The following CAMK2B variants were observed in gnomAD, a reference collection of about 807,000 sequenced individuals.
CAMK2B encodes the protein calcium/calmodulin dependent protein kinase II beta.
Under a neutral mutation model 93.7 loss-of-function variants are expected in CAMK2B, and 27 were observed. The observed-to-expected ratio is 0.29, with a 90% CI of 0.21 to 0.40. CAMK2B has a LOEUF of 0.40. Among genes scored for constraint, CAMK2B ranks in the 10% least tolerant of loss-of-function variants. The pLI, the probability that CAMK2B is intolerant of heterozygous loss-of-function variation, is 1.00. For synonymous variants in CAMK2B, 374 were observed against 358.8 expected (o/e 1.04, Z -0.48); for missense variants, 568 against 895.8 (o/e 0.63, Z 4.67).
intron 2 of CAMK2B, among the ~76,000 whole-genome samples, chr7:44,279,808 G>C (rs554993836): frequency 4.3e-4 from 65 of 152,346 alleles, no homozygotes; most frequent in Middle Eastern, 3.4e-3. Flanking sequence ...TTAATTTAGA[G>C]GAGCTATGTA....
chr7:44,313,772 GC>G (rs151052908), intron 1 of CAMK2B, among the ~76,000 whole-genome samples: 1,986 of 147,532 alleles, frequency 0.013, 58 homozygotes, highest in African/African-American at 0.047. Flanking sequence ...TGGGAACCTG[GC>G]CCTCCCCAGT....
intron 2 of CAMK2B, among the ~76,000 whole-genome samples, chr7:44,276,431 C>CG (rs1434498331): frequency 1.2e-4 from 18 of 152,154 alleles, no homozygotes; most frequent in African/African-American, 4.1e-4. Flanking sequence ...GCAGCACCCC[C>CG]CCGCCACCCA....
At chr7:44,254,475 G>A (rs889965866) in intron 5 of CAMK2B, 67 bp downstream of exon 5, 6 of 1,135,168 alleles carry the variant, frequency 5.3e-6, no homozygotes, top group African/African-American at 3.0e-5. Context: ...CAGCAGGAGT[G>A]GGTGAAGGAG....
At position 44,287,192 on chromosome 7, in the gene CAMK2B, C is replaced by T. The variant is rs1056047390; in HGVS notation, c.66-2967G>A. Among the ~76,000 whole-genome samples the T allele has an allele frequency of 4.6e-5, 7 of 152,128 alleles. No individual in the cohort carries two copies. In the South Asian group the frequency reaches 6.2e-4, roughly 13 times the overall value. On this transcript the variant is annotated intron_variant, in intron 1 of 23. Transcript: ENST00000395749. Reference sequence around the variant, plus strand: ...CCGCTCCTGGGCTCTGCCTCTCCCACGCCTTCTGTCCCTCACTGAAGCCCC... The same window carrying T: ...CCGCTCCTGGGCTCTGCCTCTCCCATGCCTTCTGTCCCTCACTGAAGCCCC...
intron 16 of CAMK2B, 66 bp from the exon 17 acceptor site, chr7:44,231,120 AGGT>A: frequency 1.1e-6 from 1 of 911,316 alleles, no homozygotes; most frequent in Non-Finnish European, 1.6e-6. Flanking sequence ...GGCTGAGGGC[AGGT>A]GGACAGGGCT....
chr7:44,262,234 A>G (rs996953239), intron 3 of CAMK2B, among the ~76,000 whole-genome samples: 1 of 152,302 alleles, frequency 6.6e-6, no homozygotes, highest in South Asian at 2.1e-4. Flanking sequence ...TCCTCCTGGC[A>G]TAAGTGAATC....
At chr7:44,258,958 C>A in intron 3 of CAMK2B, 32 bp from the exon 4 acceptor site, 1 of 1,599,808 alleles carries the variant, frequency 6.3e-7, no homozygotes, top group Non-Finnish European at 8.6e-7. Context: ...GAGGGGCTGG[C>A]AATAGCCCAG....
At chr7:44,281,870 AC>A (rs1175910563) in intron 2 of CAMK2B, among the ~76,000 whole-genome samples, 6 of 152,038 alleles carry the variant, frequency 3.9e-5, no homozygotes, top group Admixed American at 2.6e-4. Flanking sequence ...GCCAGGGGCC[AC>A]CTCCAGGACC....
chr7:44,263,174 G>A, intron 2 of CAMK2B, 110 bp from the exon 3 acceptor site: 1 of 1,004,198 alleles, frequency 1.0e-6, no homozygotes, highest in Non-Finnish European at 1.5e-6. Context: ...TCTGACGAGA[G>A]GAGTGGTTGT....
Position 44,325,448 on chromosome 7 carries a change from G to C in CAMK2B, c.-27C>G. ...GCGGCGGCGGACGGGCTCGGCGTGC[G>C]CTCGGCTGCGCTCGGGCGGCGGCGA... On this transcript the variant is annotated 5_prime_UTR_variant, in exon 1 of 24. Coordinates refer to ENST00000395749, the MANE Select transcript of CAMK2B (RefSeq NM_001220.5). 9.4e-7 allele frequency: 1 copy of C among 1,063,444 alleles called. No homozygotes were observed. Among genetic ancestry groups the C allele is most frequent in the Non-Finnish European group, 1.1e-6 (1 of 870,224 alleles). 65.9% of individuals were successfully genotyped at this position (1,063,444 alleles called of 1,614,324 possible). A position where few individuals can be genotyped will look rare whatever the true frequency, so the allele number is the denominator to read the frequency against.
At chr7:44,262,517 T>C (rs1467876349) in intron 3 of CAMK2B, among the ~76,000 whole-genome samples, 1 of 152,216 alleles carries the variant, frequency 6.6e-6, no homozygotes, top group Non-Finnish European at 1.5e-5. Context: ...TTGGTCAGTC[T>C]TTCTTTTCCT....
In CAMK2B at chr7:44,217,929, C is replaced by G. The variant is rs969832664; in HGVS notation, c.*1596G>C. 6.6e-6 allele frequency: 1 copy of G among 152,270 alleles called. No individual in the cohort carries two copies. The highest frequency in any genetic ancestry group is 2.4e-5 in the African/African-American group (1 of 41,428). 9.4% of individuals were successfully genotyped at this position (152,270 alleles called of 1,614,324 possible). A position where few individuals can be genotyped will look rare whatever the true frequency, so the allele number is the denominator to read the frequency against. On this transcript the variant is annotated 3_prime_UTR_variant, in exon 24 of 24. Coordinates refer to ENST00000395749, the MANE Select transcript of CAMK2B (RefSeq NM_001220.5). Reference sequence around the variant, plus strand: ...CCTGTCCCCGAGCTCCCCCATGGTACACACCATCACAAGGGGCCGGGGACC... The same window carrying G: ...CCTGTCCCCGAGCTCCCCCATGGTAGACACCATCACAAGGGGCCGGGGACC...
At position 44,225,805 on chromosome 7, in the gene CAMK2B, T is replaced by C. The variant is rs755474200; in HGVS notation, c.1597+711A>G. ...ATGCCGAGCCCGTGGCCCAGCAGCC[T>C]CTTCTCTAAGAGTATCTCCACACCA... On this transcript the variant is annotated intron_variant, in intron 20 of 23. Transcript: ENST00000395749. The surrounding 1 kb of genome is among the most constrained non-coding windows in gnomAD (Gnocchi z 5.0). The C allele has an allele frequency of 7.8e-7, 1 of 1,289,258 alleles. No individual in the cohort carries two copies. Among genetic ancestry groups the C allele is most frequent in the Non-Finnish European group, 1.0e-6 (1 of 988,742 alleles). 79.9% of individuals were successfully genotyped at this position (1,289,258 alleles called of 1,614,324 possible). A position where few individuals can be genotyped will look rare whatever the true frequency, so the allele number is the denominator to read the frequency against.
At chr7:44,283,455 C>T (rs11768217) in intron 2 of CAMK2B, among the ~76,000 whole-genome samples, 164 of 152,386 alleles carry the variant, frequency 1.1e-3, no homozygotes, top group Non-Finnish European at 1.9e-3. Context: ...GGCATATCCA[C>T]ATGCTGAGGG....
At chr7:44,314,107 C>A (rs1418602941) in intron 1 of CAMK2B, among the ~76,000 whole-genome samples, 1 of 152,126 alleles carries the variant, frequency 6.6e-6, no homozygotes, top group African/African-American at 2.4e-5. Flanking sequence ...GGTTTTATTT[C>A]TTTGACATCT....
chr7:44,262,353 G>A (rs926454490), intron 3 of CAMK2B, among the ~76,000 whole-genome samples: 1 of 152,202 alleles, frequency 6.6e-6, no homozygotes, highest in Non-Finnish European at 1.5e-5. Flanking sequence ...CCCCGACAAA[G>A]GCAAGGCCTG....
intron 1 of CAMK2B, among the ~76,000 whole-genome samples, chr7:44,290,223 G>A (rs1584665393): frequency 6.6e-6 from 1 of 152,252 alleles, no homozygotes; most frequent in East Asian, 1.9e-4. Flanking sequence ...AAGCTGAGGA[G>A]CCCTGAGTAA....
chr7:44,257,577 A>T (rs1293032769), intron 4 of CAMK2B, among the ~76,000 whole-genome samples: 1 of 152,228 alleles, frequency 6.6e-6, no homozygotes, highest in Non-Finnish European at 1.5e-5. Context: ...GCTGGGGCAC[A>T]CAGGTGTGGC....
chr7:44,229,804 CTG>C (rs1027173217), intron 17 of CAMK2B: 11 of 304,286 alleles, frequency 3.6e-5, no homozygotes, highest in African/African-American at 2.4e-4. Flanking sequence ...CACCCTAGTG[CTG>C]TGACCACCCC....
Sources: allele counts gnomAD v4.1 joint callset (sites outside exome capture counted in the v4.1 genomes callset), GRCh38; gene constraint gnomAD v4.1.1; non-coding constraint Gnocchi (gnomAD v3.1); transcripts MANE v1.5; gene names NCBI Gene and HGNC (gene_info 2026-07-23, HGNC 2026-07-21).